NAV3: variants seen among roughly 807,000 people sequenced by gnomAD.
The protein encoded by NAV3 is neuron navigator 3, also known as pore membrane and/or filament interacting like protein 1.
In NAV3, 87 loss-of-function variants were observed where a neutral mutation model predicts 244.7. The ratio of observed to expected loss-of-function variants is 0.36; its 90% CI spans 0.30 to 0.42. NAV3 has a LOEUF of 0.42. Among genes scored for constraint, NAV3 ranks in the 20% least tolerant of loss-of-function variants. The pLI is 1.00. For missense variants in NAV3, 2,663 were observed against 2,893.3 expected, an observed-to-expected ratio of 0.92 and a Z score of 1.83; for synonymous variants, 1,126 against 1,042.2, an observed-to-expected ratio of 1.08 and a Z score of -1.55.
At chr12:78,189,933 C>A (rs775439161) in intron 33 of NAV3, 51 bp from the exon 34 acceptor site, 23 of 1,356,768 alleles carry the variant, frequency 1.7e-5, no homozygotes, top group Non-Finnish European at 2.1e-5. Flanking sequence ...ATTTTAAATT[C>A]TAGCTTATGT....
chr12:78,026,723 G>T lies in NAV3; in HGVS notation c.2023+4861G>T, dbSNP rs186535081. 5.4e-3 allele frequency among the ~76,000 whole-genome samples: 829 copies of T among 152,214 alleles called. 25 individuals are homozygous for T. Among genetic ancestry groups the T allele is most frequent in the Admixed American group, 0.048 (733 of 15,272 alleles). Reference sequence around the variant, plus strand: ...GCATTTTAAAATATATCCAGAATTTGCCAGTTCTTCTTTTTTCTACTTTTA... The same window carrying T: ...GCATTTTAAAATATATCCAGAATTTTCCAGTTCTTCTTTTTTCTACTTTTA... On this transcript the variant is annotated intron_variant, in intron 9 of 39. Coordinates refer to ENST00000397909, the MANE Select transcript of NAV3 (RefSeq NM_001024383.2).
intron 2 of NAV3, among the ~76,000 whole-genome samples, chr12:77,814,944 C>T (rs556617497): frequency 4.1e-4 from 62 of 152,204 alleles, no homozygotes; most frequent in African/African-American, 1.4e-3. Context: ...GCTAGACATG[C>T]TGACTTTACC....
chr12:77,965,492 G>T (rs186729555), intron 3 of NAV3, among the ~76,000 whole-genome samples: 2 of 152,074 alleles, frequency 1.3e-5, no homozygotes, highest in Non-Finnish European at 2.9e-5. Flanking sequence ...GGTGGCGTGC[G>T]CCTGTAGTCC....
In NAV3 at chr12:78,059,375, G is replaced by T. The variant is rs190321236; in HGVS notation, c.2636+260G>T. On this transcript the variant is annotated intron_variant, in intron 12 of 39. Transcript: ENST00000397909. ...GCAATCTCAGCTCACTGCAACCTCT[G>T]CCTCCTGGGTTCAAGTGATTCTCCT... Among the ~76,000 whole-genome samples, 76 of 152,034 alleles carry T rather than the reference G, an allele frequency of 5.0e-4. 1 individual carries two copies. The Middle Eastern group carries it at 0.01, about 20-fold the overall frequency.
In NAV3 at chr12:78,188,761, C is replaced by T. The variant is rs2139856464; in HGVS notation, c.6039C>T (p.Ile2013=). 1 of 1,611,524 alleles carries T rather than the reference C, an allele frequency of 6.2e-7. No individual in the cohort carries two copies. The change falls in exon 33 of 40, where the codon ATC becomes ATT. Residue 2013 remains isoleucine, a synonymous_variant. Coordinates refer to ENST00000397909, the MANE Select transcript of NAV3 (RefSeq NM_001024383.2). ...ACCTTGTTGGAGATAATAACATCAT[C>T]ACTGTGAACCTCAAAGGTAAAAGCA... The part of the protein sequence containing the change: ...CGYLVGDNNI[I]TVNLKGVEEN...
At chr12:78,080,564 TATTG>T (rs1472689242) in intron 12 of NAV3, among the ~76,000 whole-genome samples, 1 of 152,234 alleles carries the variant, frequency 6.6e-6, no homozygotes, top group Non-Finnish European at 1.5e-5. Context: ...TGGGTATCAG[TATTG>T]ATTATGACTT....
chr12:77,632,014 C>T (rs187572985), intron 2 of NAV3, among the ~76,000 whole-genome samples: 15 of 152,302 alleles, frequency 9.8e-5, no homozygotes, highest in African/African-American at 3.6e-4. Flanking sequence ...GAGTTATGGG[C>T]AGCTGCCCTG....
At chr12:78,205,487 AAAAC>A (rs1166502491) in intron 39 of NAV3, among the ~76,000 whole-genome samples, 4 of 152,072 alleles carry the variant, frequency 2.6e-5, no homozygotes, top group East Asian at 1.9e-4. Flanking sequence ...CTTAAATAGA[AAAAC>A]AAAAGTTATG....
In NAV3 at chr12:78,181,028, C is replaced by T. The variant is rs2139738394; in HGVS notation, c.5675C>T (p.Thr1892Ile). Residue 1892 changes from threonine to isoleucine, a missense_variant, in exon 30 of 40, where the codon ACA becomes ATA. By Grantham distance (89) the Thr-to-Ile change is moderately conservative (BLOSUM62 -1). This residue lies in a region of NAV3 where 543 missense variants were observed against 672.4 expected (regional missense o/e 0.81). Transcript: ENST00000397909. ...CTTTCTCTAAACAATTTGAACATCACAGAGGCTGTTAGCTCAGGTGATTTA... is the reference window on the plus strand; with the variant it reads ...CTTTCTCTAAACAATTTGAACATCATAGAGGCTGTTAGCTCAGGTGATTTA... ...LGLSLNNLNI[T>I]EAVSSDILLD... 1 of 1,612,920 alleles carries T rather than the reference C, an allele frequency of 6.2e-7. No individual in the cohort carries two copies. Among genetic ancestry groups the T allele is most frequent in the Non-Finnish European group, 8.5e-7 (1 of 1,179,220 alleles).
At chr12:78,153,941 C>G (rs2139310368) in intron 22 of NAV3, among the ~76,000 whole-genome samples, 1 of 150,816 alleles carries the variant, frequency 6.6e-6, no homozygotes, top group East Asian at 1.9e-4. Context: ...CTTTATGTTG[C>G]AGAATCATTC....
At chr12:77,941,633 T>C (rs1889877937) in intron 3 of NAV3, among the ~76,000 whole-genome samples, 1 of 152,210 alleles carries the variant, frequency 6.6e-6, no homozygotes, top group Non-Finnish European at 1.5e-5. Flanking sequence ...TGATTCGTAG[T>C]CTCTTCCAGA....
At chr12:78,076,640 G>A (rs554730017) in intron 12 of NAV3, among the ~76,000 whole-genome samples, 14 of 151,978 alleles carry the variant, frequency 9.2e-5, no homozygotes, top group African/African-American at 2.2e-4. Flanking sequence ...CTCAATAAAC[G>A]TTTATGTAAA....
At chr12:77,840,810 C>T (rs1398371600) in intron 1 of NAV3, among the ~76,000 whole-genome samples, 1 of 152,186 alleles carries the variant, frequency 6.6e-6, no homozygotes, top group Non-Finnish European at 1.5e-5. Context: ...TATTTGACTT[C>T]CCTGTCCTTA....
intron 1 of NAV3, among the ~76,000 whole-genome samples, chr12:77,909,669 A>G (rs1317273615): frequency 1.3e-5 from 2 of 152,076 alleles, no homozygotes; most frequent in African/African-American, 4.8e-5. Flanking sequence ...ATAAGATCCA[A>G]TGGAAATAGA....
In NAV3 at chr12:77,849,743, T is replaced by C. The variant is rs117393408; in HGVS notation, c.243+18039T>C. On this transcript the variant is annotated intron_variant, in intron 1 of 39. Transcript: ENST00000397909. ...TTTTAGATAAGAAATGCTCAATCTA[T>C]ATATCAGTGATCCAAAGTCCAAACC... is the stretch of plus-strand genomic sequence containing the variant. 9.6e-4 allele frequency among the ~76,000 whole-genome samples: 146 copies of C among 152,288 alleles called. No individual in the cohort carries two copies. In the East Asian group the frequency reaches 0.017, roughly 18 times the overall value.
At chr12:78,040,924 A>G (rs1184056351) in intron 9 of NAV3, among the ~76,000 whole-genome samples, 6 of 152,132 alleles carry the variant, frequency 3.9e-5, no homozygotes, top group African/African-American at 1.4e-4. Flanking sequence ...TGTCTGTAAT[A>G]ATTTTATTTC....
intron 1 of NAV3, among the ~76,000 whole-genome samples, chr12:77,898,430 A>G (rs1884881918): frequency 6.6e-6 from 1 of 152,232 alleles, no homozygotes; most frequent in Non-Finnish European, 1.5e-5. Context: ...TAAGGTATTG[A>G]ACATTTTTCA....
chr12:78,184,676 C>T (rs937831842), intron 30 of NAV3, among the ~76,000 whole-genome samples: 1 of 151,652 alleles, frequency 6.6e-6, no homozygotes, highest in African/African-American at 2.4e-5. Context: ...GTGTTGATTT[C>T]TATGATGCTA....
chr12:77,663,316 G>A (rs1478849782), intron 2 of NAV3, among the ~76,000 whole-genome samples: 1 of 151,894 alleles, frequency 6.6e-6, no homozygotes, highest in African/African-American at 2.4e-5. Context: ...AACATCCCTC[G>A]CTTTTTAAGT....
Sources: allele counts gnomAD v4.1 joint callset (sites outside exome capture counted in the v4.1 genomes callset), GRCh38; gene constraint gnomAD v4.1.1; regional missense constraint gnomAD v4.1.1; transcripts MANE v1.5; gene names NCBI Gene and HGNC (gene_info 2026-07-23, HGNC 2026-07-21).